The following PYHIN1 variants were observed in gnomAD, a reference collection of about 807,000 sequenced individuals.
PYHIN1 encodes pyrin and HIN domain family member 1.
In PYHIN1, 32 loss-of-function variants were observed where a neutral mutation model predicts 43.7. The ratio of observed to expected loss-of-function variants is 0.73; its 90% CI spans 0.55 to 0.98. The LOEUF is 0.98. Among genes scored for constraint, PYHIN1 ranks in the 50% least tolerant of loss-of-function variants. The pLI, the probability that PYHIN1 is intolerant of heterozygous loss-of-function variation, is 0.00. For synonymous variants in PYHIN1, 205 were observed against 203.1 expected, an observed-to-expected ratio of 1.01 and a Z score of -0.08; for missense variants, 588 against 589.5, an observed-to-expected ratio of 1.00 and a Z score of 0.03.
intron 7 of PYHIN1, among the ~76,000 whole-genome samples, chr1:158,954,609 C>T (rs1649800652): frequency 6.6e-6 from 1 of 150,862 alleles, no homozygotes; most frequent in Non-Finnish European, 1.5e-5. Flanking sequence ...AAGTGCTAAA[C>T]ATGGAAAGTA....
chr1:158,987,249 G>A, the PYHIN1 span, among the ~76,000 whole-genome samples: 2 of 152,098 alleles, frequency 1.3e-5, no homozygotes, highest in Admixed American at 1.3e-4. Flanking sequence ...TTTTATTCTA[G>A]TCAGCCTAGT....
chr1:158,953,444 CT>C (rs1649706939), intron 7 of PYHIN1, among the ~76,000 whole-genome samples: 1 of 150,692 alleles, frequency 6.6e-6, no homozygotes, highest in African/African-American at 2.4e-5. Context: ...TCCCTGACCC[CT>C]GACCCCCGAG....
intron 7 of PYHIN1, among the ~76,000 whole-genome samples, chr1:158,961,308 G>T (rs1271273517): frequency 1.3e-5 from 2 of 152,056 alleles, no homozygotes; most frequent in Middle Eastern, 3.4e-3. Context: ...TTTCTTATTT[G>T]TTCTTCCTTA....
At chr1:158,973,378 G>A (rs1003174269) in intron 7 of PYHIN1, among the ~76,000 whole-genome samples, 2 of 151,876 alleles carry the variant, frequency 1.3e-5, no homozygotes, top group Admixed American at 1.3e-4. Flanking sequence ...ATCATTTCCA[G>A]CTCAGATCCA....
In PYHIN1 at chr1:158,973,689, T is replaced by A. The variant is rs1287580168; in HGVS notation, c.1402T>A (p.Phe468Ile). The change falls in exon 8 of 9, where the codon TTT becomes ATT. Residue 468 changes from phenylalanine to isoleucine, a missense_variant. Phe to Ile is a conservative substitution (Grantham distance 21, BLOSUM62 0). Transcript: ENST00000368140. Reference protein sequence around the residue: ...HPGAQSSPANFRITSPTVAPP... With the variant: ...HPGAQSSPANIRITSPTVAPP... ...AGGAGCACAGTCATCGCCTGCAAAC[T>A]TTAGAATCACCTCACCAACTGTGGC... 1.2e-6 allele frequency: 2 copies of A among 1,613,062 alleles called. No individual in the cohort carries two copies. Among genetic ancestry groups the A allele is most frequent in the Non-Finnish European group, 1.7e-6 (2 of 1,179,418 alleles).
intron 7 of PYHIN1, among the ~76,000 whole-genome samples, chr1:158,956,376 C>A (rs1392233630): frequency 6.6e-6 from 1 of 152,124 alleles, no homozygotes; most frequent in Non-Finnish European, 1.5e-5. Context: ...CAAAACGAAT[C>A]CAGCAGCACA....
chr1:158,978,943 C>A (rs919023002), downstream of PYHIN1, among the ~76,000 whole-genome samples: 3 of 152,146 alleles, frequency 2.0e-5, no homozygotes, highest in African/African-American at 7.2e-5. Flanking sequence ...AAGAGAAAGA[C>A]AGAACAGCTC....
At chr1:158,965,906 A>G (rs1401182799) in intron 7 of PYHIN1, among the ~76,000 whole-genome samples, 1 of 152,140 alleles carries the variant, frequency 6.6e-6, no homozygotes, top group Non-Finnish European at 1.5e-5. Flanking sequence ...ACTAAAAGAA[A>G]TTGAGATGTG....
chr1:158,954,668 C>A (rs1033547825), intron 7 of PYHIN1, among the ~76,000 whole-genome samples: 27 of 147,532 alleles, frequency 1.8e-4, no homozygotes, highest in Admixed American at 4.1e-4. Context: ...TAAAGACCAT[C>A]GAGACTAGGA....
chr1:158,939,726 C>A, intron 4 of PYHIN1: 2 of 570,376 alleles, frequency 3.5e-6, no homozygotes, highest in Non-Finnish European at 6.3e-6. Flanking sequence ...ACCCCTGTAA[C>A]AGGTTAAATC....
At chr1:158,944,015 A>G (rs966653858) in intron 6 of PYHIN1, 37 bp downstream of exon 6, 2 of 1,516,106 alleles carry the variant, frequency 1.3e-6, no homozygotes, top group Non-Finnish European at 8.9e-7. Context: ...TTTTCCAAAG[A>G]TGAAAATCAT....
At chr1:158,990,337 C>T in the PYHIN1 span, among the ~76,000 whole-genome samples, 26 of 151,672 alleles carry the variant, frequency 1.7e-4, no homozygotes, top group Middle Eastern at 0.01. Flanking sequence ...TCTGTTGTGA[C>T]CTTTCTTTTT....
chr1:158,952,246 G>A (rs748747041), intron 7 of PYHIN1, among the ~76,000 whole-genome samples: 6 of 151,986 alleles, frequency 3.9e-5, no homozygotes, highest in Non-Finnish European at 8.8e-5. Flanking sequence ...CAGCTGTGCA[G>A]GCTGAGTTCC....
At position 158,943,926 on chromosome 1, in the gene PYHIN1, G is replaced by T. The variant is rs778951081; in HGVS notation, c.1139G>T (p.Arg380Ile). Residue 380 changes from arginine (R) to isoleucine (I), a missense_variant, in exon 6 of 9, where the codon AGA (arginine) becomes ATA (isoleucine). Physicochemically the swap from Arg to Ile is moderately conservative, Grantham distance 97. Transcript: ENST00000368140. ...CTTCGACTCTTCTGCTTTCGACTGA[G>T]AAAGAGGGAAAATATGTCAAAACTG... ...DKLRLFCFRL[R>I]KRENMSKLMS... 6.2e-7 allele frequency: 1 copy of T among 1,606,918 alleles called. No homozygotes were observed. Among genetic ancestry groups the T allele is most frequent in the South Asian group, 1.1e-5 (1 of 90,162 alleles).
chr1:158,959,152 G>T (rs1290588318), intron 7 of PYHIN1, among the ~76,000 whole-genome samples: 2 of 151,040 alleles, frequency 1.3e-5, no homozygotes, highest in Admixed American at 6.6e-5. Context: ...GGCACCAGCT[G>T]CAGGGGTCCA....
chr1:158,965,625 G>C (rs1358957570), intron 7 of PYHIN1, among the ~76,000 whole-genome samples: 2 of 152,098 alleles, frequency 1.3e-5, no homozygotes, highest in Non-Finnish European at 2.9e-5. Context: ...AAATTAAACA[G>C]CCTTCTCCTG....
intron 4 of PYHIN1, chr1:158,939,465 G>A (rs1351569414): frequency 1.3e-6 from 2 of 1,551,322 alleles, no homozygotes; most frequent in Middle Eastern, 1.7e-4. Flanking sequence ...GTGCTGTTTG[G>A]GGAAGAGACA....
chr1:158,958,978 G>C (rs1454919059), intron 7 of PYHIN1, among the ~76,000 whole-genome samples: 2 of 151,574 alleles, frequency 1.3e-5, no homozygotes, highest in African/African-American at 2.4e-5. Flanking sequence ...GAGCTGATAA[G>C]TGTTGTCCAG....
Position 158,969,074 on chromosome 1 carries a change from T to A in PYHIN1, c.1360-4573T>A, listed in dbSNP as rs140157250. On this transcript the variant is annotated intron_variant, in intron 7 of 8. Transcript: ENST00000368140. ...TAAAAGTTAAAAAAATAATTTTTGG[T>A]CTTACAGTCAACATTCAAATCCAGC... 1.4e-4 allele frequency among the ~76,000 whole-genome samples: 21 copies of A among 152,054 alleles called. No individual in the cohort carries two copies. The East Asian group carries it at 4.1e-3, about 29-fold the overall frequency.
Sources: gnomAD v4.1 joint callset for allele counts (sites outside exome capture counted in the v4.1 genomes callset) on GRCh38, gnomAD v4.1.1 for gene constraint, MANE v1.5 for transcripts, NCBI Gene and HGNC (gene_info 2026-07-23, HGNC 2026-07-21) for gene names.